The following ANKRD36 variants were observed in gnomAD, a reference collection of about 807,000 sequenced individuals.
ANKRD36 encodes the protein ankyrin repeat domain 36, also known as ankyrin repeat domain-containing protein 36A.
A neutral mutation model predicts 278.1 loss-of-function variants in ANKRD36; 179 were observed. The observed-to-expected ratio is 0.64, with a 90% CI of 0.57 to 0.73. The LOEUF is 0.73. Among genes scored for constraint, ANKRD36 ranks in the 30% least tolerant of loss-of-function variants. The pLI is 0.00. For missense variants in ANKRD36, 1,159 were observed against 1,956.7 expected (o/e 0.59, Z 7.69); for synonymous variants, 320 against 641.1 (o/e 0.50, Z 7.57).
chr2:97,176,138 G>A (rs2054175379), intron 22 of ANKRD36, among the ~76,000 whole-genome samples: 1 of 151,770 alleles, frequency 6.6e-6, no homozygotes, highest in African/African-American at 2.4e-5. Context: ...TGTCTATTAG[G>A]TCCACTTGGT....
chr2:97,178,038 A>T (rs1186733866), intron 22 of ANKRD36, among the ~76,000 whole-genome samples: 27 of 150,360 alleles, frequency 1.8e-4, no homozygotes, highest in African/African-American at 6.4e-4. Context: ...GACACTTCTC[A>T]AAAGAAGACA....
intron 17 of ANKRD36, among the ~76,000 whole-genome samples, chr2:97,159,378 AT>A (rs1243126043): frequency 2.6e-5 from 4 of 152,110 alleles, no homozygotes; most frequent in Non-Finnish European, 2.9e-5. Flanking sequence ...ATTAGATTAT[AT>A]AGATGGATCA....
At chr2:97,180,186 C>G (rs79752039) in intron 24 of ANKRD36, among the ~76,000 whole-genome samples, 7 of 151,506 alleles carry the variant, frequency 4.6e-5, no homozygotes, top group African/African-American at 1.7e-4. Flanking sequence ...TCAACACATA[C>G]CAGGCTAAGG....
intron 22 of ANKRD36, among the ~76,000 whole-genome samples, chr2:97,171,028 A>C (rs577226266): frequency 2.2e-4 from 33 of 151,570 alleles, no homozygotes; most frequent in East Asian, 7.8e-4. Context: ...TTAGAATGGC[A>C]GTCATTAAAA....
chr2:97,193,076 T>G (rs2153570764), intron 38 of ANKRD36, 23 bp downstream of exon 38: 1 of 1,523,350 alleles, frequency 6.6e-7, no homozygotes, highest in Non-Finnish European at 8.9e-7. Context: ...AGAGATTTAA[T>G]GTCATGTTCA....
chr2:97,242,571 A>G (rs2074662841), intron 69 of ANKRD36, among the ~76,000 whole-genome samples: 1 of 145,334 alleles, frequency 6.9e-6, no homozygotes, highest in Non-Finnish European at 1.5e-5. Flanking sequence ...GTGTAGGGTA[A>G]CATATTACCT....
intron 12 of ANKRD36, 41 bp from the exon 13 acceptor site, chr2:97,151,838 T>A: frequency 9.1e-7 from 1 of 1,093,674 alleles, no homozygotes; most frequent in Non-Finnish European, 1.3e-6. Context: ...TATTTTAACT[T>A]GCTCCATGTT....
intron 34 of ANKRD36, among the ~76,000 whole-genome samples, chr2:97,190,483 C>T (rs1400902068): frequency 1.3e-5 from 2 of 151,612 alleles, no homozygotes; most frequent in East Asian, 2.0e-4. Context: ...TGAAGAGATG[C>T]GAAGTGTACT....
chr2:97,131,574 C>T (rs2443911), intron 6 of ANKRD36, among the ~76,000 whole-genome samples: 2 of 151,970 alleles, frequency 1.3e-5, no homozygotes, highest in Non-Finnish European at 2.9e-5. Flanking sequence ...GTTTGGGAGC[C>T]GAAGTGGATA....
At chr2:97,202,434 T>C in intron 48 of ANKRD36, 41 bp downstream of exon 48, 2 of 1,541,642 alleles carry the variant, frequency 1.3e-6, no homozygotes, top group Non-Finnish European at 1.7e-6. Flanking sequence ...TCAGTCCAGG[T>C]AGATAAGAAG....
rs1177756389 is a variant in ANKRD36 at position 97,221,586 on chromosome 2, G to A, written c.3877+2340G>A. On this transcript the variant is annotated intron_variant, in intron 66 of 75. Coordinates refer to ENST00000420699, the MANE Select transcript of ANKRD36 (RefSeq NM_001354587.1). Reference sequence around the variant, plus strand: ...CTGCATAAATGTCTTCTTTTGAGAAGTGTCTGTTCATGTCCTTCACCCACT... The same window carrying A: ...CTGCATAAATGTCTTCTTTTGAGAAATGTCTGTTCATGTCCTTCACCCACT... Among the ~76,000 whole-genome samples the A allele has an allele frequency of 2.1e-5, 3 of 143,394 alleles. No individual in the cohort carries two copies. In the East Asian group the frequency reaches 6.5e-4, roughly 31 times the overall value. The allele number at this position is 143,394 out of a possible 152,430, so 94.1% of individuals were successfully genotyped here.
rs79776810 is a variant in ANKRD36 at position 97,180,639 on chromosome 2, C to T, written c.1735+706C>T. 2.0e-5 allele frequency among the ~76,000 whole-genome samples: 3 copies of T among 151,706 alleles called. No individual in the cohort carries two copies. In the Admixed American group the frequency reaches 2.0e-4, roughly 10 times the overall value. ...AGGGACACATGTTTTGTTGACTTTA[C>T]TTATAAAAATGAGATAAACTTGCAT... On this transcript the variant is annotated intron_variant, in intron 24 of 75. Transcript: ENST00000420699.
At chr2:97,205,720 T>A (rs1257896727) in intron 50 of ANKRD36, among the ~76,000 whole-genome samples, 3 of 151,496 alleles carry the variant, frequency 2.0e-5, no homozygotes, top group African/African-American at 7.2e-5. Context: ...ATGAGAAATC[T>A]TACCACGTTT....
chr2:97,116,235 AT>A (rs1178594666), intron 1 of ANKRD36, among the ~76,000 whole-genome samples: 5 of 152,170 alleles, frequency 3.3e-5, no homozygotes, highest in African/African-American at 9.6e-5. Flanking sequence ...CAAAGAAAAA[AT>A]AATTCTCAGT....
At chr2:97,206,651 T>A (rs951446554) in intron 52 of ANKRD36, among the ~76,000 whole-genome samples, 4 of 151,462 alleles carry the variant, frequency 2.6e-5, no homozygotes, top group African/African-American at 9.7e-5. Context: ...GGGTTTCTGC[T>A]GAGGAAACCT....
At position 97,133,731 on chromosome 2, in the gene ANKRD36, T is replaced by G. The variant is rs1574705452; in HGVS notation, c.799+6597T>G. Among the ~76,000 whole-genome samples the G allele has an allele frequency of 3.3e-5, 5 of 152,192 alleles. No individual in the cohort carries two copies. The South Asian group carries it at 1.0e-3, about 32-fold the overall frequency. On this transcript the variant is annotated intron_variant, in intron 6 of 75. Coordinates refer to ENST00000420699, the MANE Select transcript of ANKRD36 (RefSeq NM_001354587.1). ...TAGCAATATATTAGTAATAGAAGAT[T>G]CAGTGAAAATCTTTTTAAAAAATTA...
intron 67 of ANKRD36, among the ~76,000 whole-genome samples, chr2:97,231,756 T>C (rs1232136223): frequency 1.3e-5 from 2 of 152,126 alleles, no homozygotes; most frequent in Non-Finnish European, 2.9e-5. Context: ...AGACTGGAGC[T>C]GTTCCTATTC....
At chr2:97,205,781 A>G (rs1212123470) in intron 50 of ANKRD36, among the ~76,000 whole-genome samples, 159 bp from the exon 51 acceptor site, 2 of 151,460 alleles carry the variant, frequency 1.3e-5, no homozygotes, top group Admixed American at 1.3e-4. Flanking sequence ...TTCTCAGTGT[A>G]TTTGTGTCAT....
chr2:97,207,110 TTGA>T (rs1164973091), intron 52 of ANKRD36, among the ~76,000 whole-genome samples: 2 of 151,572 alleles, frequency 1.3e-5, no homozygotes, highest in Non-Finnish European at 3.0e-5. Flanking sequence ...AAATTGATAA[TTGA>T]TGATATTTTT....
Sources: allele counts gnomAD v4.1 joint callset (sites outside exome capture counted in the v4.1 genomes callset), GRCh38; gene constraint gnomAD v4.1.1; transcripts MANE v1.5; gene names NCBI Gene and HGNC (gene_info 2026-07-23, HGNC 2026-07-21).